Variants in PALS2 observed in about 807,000 individuals in gnomAD.
The protein encoded by PALS2 is protein PALS2.
In PALS2, 27 loss-of-function variants were observed where a neutral mutation model predicts 61.6. That is an observed-to-expected ratio of 0.44 (90% confidence interval 0.32 to 0.60). The LOEUF (loss-of-function observed/expected upper bound fraction) is 0.60, where lower values mean the gene tolerates loss of function less well. Ranked by LOEUF, PALS2 falls within the 20% of genes least tolerant of loss-of-function variation. The pLI is 0.05. For synonymous variants in PALS2, 236 were observed against 218.6 expected, an observed-to-expected ratio of 1.08 and a Z score of -0.70; for missense variants, 554 against 639.4, an observed-to-expected ratio of 0.87 and a Z score of 1.44.
At chr7:24,627,166 C>T (rs1278612395) in intron 2 of PALS2, among the ~76,000 whole-genome samples, 3 of 152,170 alleles carry the variant, frequency 2.0e-5, no homozygotes, top group Admixed American at 2.0e-4. Context: ...AACAAAGAAT[C>T]TCTCAGACCA....
intron 2 of PALS2, among the ~76,000 whole-genome samples, chr7:24,638,163 A>G (rs1201050020): frequency 6.6e-6 from 1 of 151,984 alleles, no homozygotes; most frequent in African/African-American, 2.4e-5. Context: ...CTCAGAGCTT[A>G]AAAAGCTATA....
chr7:24,666,651 T>C (rs1476399611), intron 8 of PALS2, among the ~76,000 whole-genome samples: 3 of 152,188 alleles, frequency 2.0e-5, no homozygotes, highest in Admixed American at 2.0e-4. Context: ...TTGATCGAGG[T>C]AATCATTCAC....
chr7:24,614,420 T>C (rs982728998), intron 1 of PALS2, among the ~76,000 whole-genome samples: 1 of 151,986 alleles, frequency 6.6e-6, no homozygotes, highest in African/African-American at 2.4e-5. Flanking sequence ...CTTTTCTTTA[T>C]TGTAAGATCA....
At chr7:24,615,166 A>C (rs1784249112) in intron 1 of PALS2, among the ~76,000 whole-genome samples, 1 of 151,960 alleles carries the variant, frequency 6.6e-6, no homozygotes, top group Non-Finnish European at 1.5e-5. Flanking sequence ...AGTTTATAGC[A>C]GTAAATGCCT....
At chr7:24,601,714 A>C (rs1360327754) in intron 1 of PALS2, among the ~76,000 whole-genome samples, 2 of 152,064 alleles carry the variant, frequency 1.3e-5, no homozygotes, top group Non-Finnish European at 2.9e-5. Context: ...AATTATTTTT[A>C]ACTATCCTCA....
At chr7:24,684,125 T>G (rs972683677) in intron 11 of PALS2, among the ~76,000 whole-genome samples, 2 of 148,500 alleles carry the variant, frequency 1.3e-5, no homozygotes, top group East Asian at 2.0e-4. Flanking sequence ...GGTTTTTTTG[T>G]TTTTTTTTTC....
At chr7:24,604,523 A>T (rs920515114) in intron 1 of PALS2, among the ~76,000 whole-genome samples, 4 of 152,206 alleles carry the variant, frequency 2.6e-5, no homozygotes, top group Non-Finnish European at 5.9e-5. Context: ...CACACATGTA[A>T]TGGGAGTTTC....
intron 8 of PALS2, among the ~76,000 whole-genome samples, chr7:24,668,250 C>T (rs1472373531): frequency 1.3e-5 from 2 of 152,036 alleles, no homozygotes; most frequent in African/African-American, 4.8e-5. Context: ...TTCAAGGGTA[C>T]AGTGAGCTAA....
intron 1 of PALS2, among the ~76,000 whole-genome samples, chr7:24,608,099 T>G (rs1327616848): frequency 6.6e-6 from 1 of 152,146 alleles, no homozygotes; most frequent in Non-Finnish European, 1.5e-5. Context: ...CTGTAATGGA[T>G]TTTTTTAAAT....
chr7:24,595,435 TA>T (rs1427901717), intron 1 of PALS2, among the ~76,000 whole-genome samples: 1 of 140,492 alleles, frequency 7.1e-6, no homozygotes, highest in East Asian at 2.0e-4. Context: ...AAAAAATATA[TA>T]AAATACATAA....
In PALS2 at chr7:24,618,766, C is replaced by T. The variant is rs559014335; in HGVS notation, c.-2-4900C>T. On this transcript the variant is annotated intron_variant, in intron 1 of 11. Transcript: ENST00000222644. The surrounding 1 kb of genome is among the most constrained non-coding windows in gnomAD (Gnocchi z 5.1). ...AGGATGGGATGGCAGAGGCAGGATGCCTCCACGCTGGCCTTGTGGGCTCCC... is the reference window on the plus strand; with the variant it reads ...AGGATGGGATGGCAGAGGCAGGATGTCTCCACGCTGGCCTTGTGGGCTCCC... 1.5e-4 allele frequency among the ~76,000 whole-genome samples: 23 copies of T among 152,368 alleles called. No homozygotes were observed. Among genetic ancestry groups the T allele is most frequent in the Middle Eastern group, 3.4e-3 (1 of 294 alleles).
At chr7:24,681,080 G>T (rs747699753) in intron 11 of PALS2, among the ~76,000 whole-genome samples, 1 of 151,910 alleles carries the variant, frequency 6.6e-6, no homozygotes, top group African/African-American at 2.4e-5. Flanking sequence ...TAAAATATGC[G>T]TATTAATTGA....
In PALS2 at chr7:24,662,768, G is replaced by GA. The variant is rs59367702; in HGVS notation, c.652-794dup. ...TGGGTGAAAGAGTGAGACTCCATCT[G>GA]AAAAAAAAAAAAAAAAAAAAAAAAA... On this transcript the variant is annotated intron_variant, in intron 5 of 11. Transcript: ENST00000222644. 4.1e-3 allele frequency among the ~76,000 whole-genome samples: 420 copies of GA among 102,504 alleles called. 21 individuals are homozygous for GA. Among genetic ancestry groups the GA allele is most frequent in the Non-Finnish European group, 5.9e-3 (260 of 44,038 alleles). 67.2% of individuals were successfully genotyped at this position (102,504 alleles called of 152,430 possible).
chr7:24,597,764 A>T (rs1316821642), intron 1 of PALS2, among the ~76,000 whole-genome samples: 2 of 152,142 alleles, frequency 1.3e-5, no homozygotes, highest in African/African-American at 2.4e-5. Context: ...TCTGCAAGTG[A>T]AAGGGAATTT....
At chr7:24,582,287 A>G (rs1408724373) in intron 1 of PALS2, among the ~76,000 whole-genome samples, 1 of 152,242 alleles carries the variant, frequency 6.6e-6, no homozygotes, top group Non-Finnish European at 1.5e-5. Context: ...AAAGAAAATG[A>G]AATCCTATTT....
intron 11 of PALS2, among the ~76,000 whole-genome samples, chr7:24,686,000 C>G (rs538668900): frequency 4.0e-4 from 61 of 152,254 alleles, no homozygotes; most frequent in African/African-American, 1.3e-3. Context: ...GGATGTCTCA[C>G]AGACATCTTA....
chr7:24,580,475 C>A (rs1782798459), intron 1 of PALS2, among the ~76,000 whole-genome samples: 1 of 152,216 alleles, frequency 6.6e-6, no homozygotes, highest in South Asian at 2.1e-4. Context: ...CTTGGTCTCT[C>A]ACCAGGTCAA....
At chr7:24,653,779 A>G (rs909117423) in intron 5 of PALS2, among the ~76,000 whole-genome samples, 2 of 152,248 alleles carry the variant, frequency 1.3e-5, no homozygotes, top group Admixed American at 1.3e-4. Context: ...GGTGATCTTC[A>G]TTAACAATCC....
intron 1 of PALS2, among the ~76,000 whole-genome samples, chr7:24,589,827 A>G (rs1354464096): frequency 1.3e-5 from 2 of 152,184 alleles, no homozygotes; most frequent in Non-Finnish European, 2.9e-5. Flanking sequence ...AGAGTTAATC[A>G]TGGTTAGTAG....
Sources: gnomAD v4.1 joint callset for allele counts (sites outside exome capture counted in the v4.1 genomes callset) on GRCh38, gnomAD v4.1.1 for gene constraint, Gnocchi (gnomAD v3.1) non-coding constraint, MANE v1.5 for transcripts, NCBI Gene and HGNC (gene_info 2026-07-23, HGNC 2026-07-21) for gene names.